Variants in RUNX1T1 observed in about 807,000 individuals in gnomAD.
The protein encoded by RUNX1T1 is protein CBFA2T1.
RUNX1T1 carries 4 observed loss-of-function variants against 62.8 expected under a neutral mutation model. The ratio of observed to expected loss-of-function variants is 0.06; its 90% CI spans 0.03 to 0.15. The LOEUF is 0.15. Ranked by LOEUF, RUNX1T1 falls within the 10% of genes least tolerant of loss-of-function variation. The pLI is 1.00. For synonymous variants in RUNX1T1, 291 were observed against 286.0 expected, an observed-to-expected ratio of 1.02 and a Z score of -0.18; for missense variants, 508 against 754.3, an observed-to-expected ratio of 0.67 and a Z score of 3.82.
At chr8:92,086,987 G>C (rs546184724) in intron 1 of RUNX1T1, among the ~76,000 whole-genome samples, 56 of 151,990 alleles carry the variant, frequency 3.7e-4, no homozygotes, top group Non-Finnish European at 6.9e-4. Context: ...TTGGATGCAG[G>C]GTTTCCTTTT....
chr8:92,005,366 T>C, intron 4 of RUNX1T1, 69 bp from the exon 6 acceptor site: 1 of 1,417,550 alleles, frequency 7.1e-7, no homozygotes, highest in Admixed American at 2.2e-5. Context: ...CTTACTCTGC[T>C]TTTCGAACAC....
At chr8:92,093,937 A>T (rs1428465581) in intron 1 of RUNX1T1, among the ~76,000 whole-genome samples, 1 of 152,208 alleles carries the variant, frequency 6.6e-6, no homozygotes. Context: ...AAGACATGCT[A>T]TCTGCTAGTT....
intron 1 of RUNX1T1, among the ~76,000 whole-genome samples, chr8:92,025,217 T>C (rs1824908796): frequency 6.6e-6 from 1 of 152,218 alleles, no homozygotes; most frequent in African/African-American, 2.4e-5. Flanking sequence ...TATTTTTCTA[T>C]GTATGCCAAT....
chr8:92,098,243 T>C (rs1837877798), intron 1 of RUNX1T1, among the ~76,000 whole-genome samples: 2 of 152,376 alleles, frequency 1.3e-5, no homozygotes, highest in South Asian at 2.1e-4. Flanking sequence ...ATGTTAATTA[T>C]GTTCATAATT....
At chr8:91,985,502 T>G (rs1206649212) in intron 8 of RUNX1T1, among the ~76,000 whole-genome samples, 1 of 152,150 alleles carries the variant, frequency 6.6e-6, no homozygotes, top group African/African-American at 2.4e-5. Flanking sequence ...TAATCATGAT[T>G]AAGTAATCTA....
Position 92,025,409 on chromosome 8 carries a change from A to C in RUNX1T1, c.8-8046T>G, listed in dbSNP as rs537135988. 2.3e-4 allele frequency among the ~76,000 whole-genome samples: 35 copies of C among 152,208 alleles called. No homozygotes were observed. The South Asian group carries it at 7.3e-3, about 32-fold the overall frequency. On this transcript the variant is annotated intron_variant, in intron 1 of 10. Coordinates refer to ENST00000396218, the Ensembl canonical transcript of RUNX1T1. ...CATCCCCACCTCTGACCTCCATACT[A>C]GACAGCTGCAGTTCTCCAAATGCCC...
At chr8:92,048,044 A>G (rs1451745314) in intron 1 of RUNX1T1, among the ~76,000 whole-genome samples, 1 of 152,222 alleles carries the variant, frequency 6.6e-6, no homozygotes, top group Non-Finnish European at 1.5e-5. Flanking sequence ...CATAAAAAGT[A>G]TAACTTGTGT....
At chr8:91,999,337 T>C (rs1056700483) in intron 5 of RUNX1T1, among the ~76,000 whole-genome samples, 22 of 152,224 alleles carry the variant, frequency 1.4e-4, no homozygotes, top group African/African-American at 5.3e-4. Flanking sequence ...TGCTATTTGC[T>C]GGCCATATAA....
At chr8:91,965,782 A>G (rs1291298826) in intron 10 of RUNX1T1, among the ~76,000 whole-genome samples, 1 of 152,016 alleles carries the variant, frequency 6.6e-6, no homozygotes, top group Non-Finnish European at 1.5e-5. Flanking sequence ...TCTCCTTTTC[A>G]ATCGCATAGT....
At chr8:91,963,924 T>C (rs1190838271) in intron 10 of RUNX1T1, among the ~76,000 whole-genome samples, 1 of 152,188 alleles carries the variant, frequency 6.6e-6, no homozygotes, top group East Asian at 1.9e-4. Context: ...TCACAGCAAA[T>C]TTCATTCCCA....
At chr8:92,017,589 T>C (rs1456059441) in intron 1 of RUNX1T1, 41 of 1,399,992 alleles carry the variant, frequency 2.9e-5, no homozygotes, top group Non-Finnish European at 3.6e-5. Context: ...TTATATTATA[T>C]CCTATTGTTA....
intron 8 of RUNX1T1, chr8:91,980,063 C>A (rs1271278274): frequency 8.6e-6 from 2 of 233,756 alleles, no homozygotes; most frequent in Non-Finnish European, 1.8e-5. Context: ...CAGAAATCTT[C>A]ACACTAGGTT....
chr8:92,063,806 A>G (rs1477973832), upstream of RUNX1T1, among the ~76,000 whole-genome samples: 9 of 152,176 alleles, frequency 5.9e-5, no homozygotes, highest in Admixed American at 5.9e-4. Flanking sequence ...GTTTGTTTCA[A>G]CAACAGGGCA....
exon 11 of RUNX1T1, chr8:91,959,488 G>A (rs868167773): frequency 0.12 from 10,540 of 86,180 alleles, 688 homozygotes; most frequent in South Asian, 0.21. Flanking sequence ...GTGTGTGTGT[G>A]TATATATATA....
chr8:91,998,177 A>C (rs1819075339), intron 5 of RUNX1T1, among the ~76,000 whole-genome samples: 1 of 152,206 alleles, frequency 6.6e-6, no homozygotes, highest in African/African-American at 2.4e-5. Context: ...GTTAGGAAAG[A>C]GGTGACTTTA....
chr8:91,974,954 A>G (rs1197788015), intron 9 of RUNX1T1, among the ~76,000 whole-genome samples: 1 of 152,166 alleles, frequency 6.6e-6, no homozygotes, highest in Non-Finnish European at 1.5e-5. Context: ...TGAAATCCCA[A>G]AGAGAAATCT....
intron 3 of RUNX1T1, 114 bp from the exon 5 acceptor site, chr8:92,011,205 T>G (rs1398541286): frequency 1.8e-5 from 11 of 615,660 alleles, no homozygotes; most frequent in Non-Finnish European, 2.6e-5. Context: ...GCAAACATAC[T>G]GACAGAAACC....
chr8:92,080,368 C>T (rs1835058757), intron 1 of RUNX1T1, among the ~76,000 whole-genome samples: 1 of 152,206 alleles, frequency 6.6e-6, no homozygotes, highest in Non-Finnish European at 1.5e-5. Context: ...CTGCCAGGTA[C>T]TGTTCACAGA....
At chr8:92,041,577 C>A (rs961270943) in intron 1 of RUNX1T1, among the ~76,000 whole-genome samples, 29 of 152,140 alleles carry the variant, frequency 1.9e-4, no homozygotes, top group African/African-American at 6.5e-4. Flanking sequence ...CCCATCCCTA[C>A]TAAAAATGCA....
Sources: allele counts gnomAD v4.1 joint callset (sites outside exome capture counted in the v4.1 genomes callset), GRCh38; gene constraint gnomAD v4.1.1; transcripts MANE v1.5; gene names NCBI Gene and HGNC (gene_info 2026-07-23, HGNC 2026-07-21).